Variants in CD58 observed in about 807,000 individuals in gnomAD.
The protein encoded by CD58 is CD58 molecule.
A neutral mutation model predicts 27.6 loss-of-function variants in CD58; 14 were observed. The ratio of observed to expected loss-of-function variants is 0.51; its 90% CI spans 0.34 to 0.79. CD58 has a LOEUF of 0.79. Ranked by LOEUF, CD58 falls within the 30% of genes least tolerant of loss-of-function variation. The pLI, the probability that CD58 is intolerant of heterozygous loss-of-function variation, is 0.02. For missense variants in CD58, 268 were observed against 301.7 expected (o/e 0.89, Z 0.83); for synonymous variants, 117 against 103.8 (o/e 1.13, Z -0.77).
Position 116,523,833 on chromosome 1 carries a change from G to A in CD58, c.629-1850C>T, listed in dbSNP as rs1199558217. On this transcript the variant is annotated intron_variant, in intron 3 of 5. Transcript: ENST00000369489. This position sits in a 1 kb window ranked among gnomAD's most constrained non-coding sequence, Gnocchi z 4.4. ...CTGAGGTTCAATTTATATAGGAAAA[G>A]CAGCATTTGATTCTTCTCTTTCTTT... 6.6e-6 allele frequency among the ~76,000 whole-genome samples: 1 copy of A among 152,184 alleles called. No homozygotes were observed. Among genetic ancestry groups the A allele is most frequent in the African/African-American group, 2.4e-5 (1 of 41,424 alleles).
chr1:116,553,170 TTC>T (rs1658449173), intron 1 of CD58, among the ~76,000 whole-genome samples: 1 of 152,086 alleles, frequency 6.6e-6, no homozygotes, highest in Non-Finnish European at 1.5e-5. Context: ...GTTTGTTTTT[TTC>T]TTCTCAAAGT....
At chr1:116,547,617 C>T (rs1031291781) in intron 1 of CD58, among the ~76,000 whole-genome samples, 1 of 152,130 alleles carries the variant, frequency 6.6e-6, no homozygotes, top group Non-Finnish European at 1.5e-5. Context: ...ACACGAGCCA[C>T]CGCGCCTGGC....
intron 1 of CD58, among the ~76,000 whole-genome samples, chr1:116,547,825 C>G (rs574381855): frequency 3.5e-4 from 53 of 152,100 alleles, no homozygotes; most frequent in African/African-American, 1.3e-3. Context: ...GGGTAGATAC[C>G]CAGTAATGGG....
intron 3 of CD58, chr1:116,533,714 C>T: frequency 2.9e-6 from 2 of 690,214 alleles, no homozygotes; most frequent in Non-Finnish European, 2.7e-6. Context: ...TCTTCATTTT[C>T]ACGGTGCCAT....
Position 116,531,859 on chromosome 1 carries a change from T to C in CD58, c.628+4106A>G, listed in dbSNP as rs1657623677. Among the ~76,000 whole-genome samples the C allele has an allele frequency of 6.6e-6, 1 of 152,262 alleles. No individual in the cohort carries two copies. Among genetic ancestry groups the C allele is most frequent in the Admixed American group, 6.5e-5 (1 of 15,290 alleles). ...TTCTAAGGTTAGGCTGAGCACTCTC[T>C]ACAGGCCTGGTCAGCGCGGACAAGG... On this transcript the variant is annotated intron_variant, in intron 3 of 5. Transcript: ENST00000369489. This position sits in a 1 kb window ranked among gnomAD's most constrained non-coding sequence, Gnocchi z 4.5.
chr1:116,552,825 A>C lies in CD58; in HGVS notation c.71-8221T>G, dbSNP rs1658434815. 6.6e-6 allele frequency among the ~76,000 whole-genome samples: 1 copy of C among 152,174 alleles called. No homozygotes were observed. The highest frequency in any genetic ancestry group is 1.5e-5 in the Non-Finnish European group (1 of 68,032). The stretch of plus-strand genomic sequence containing the variant: ...TATGTCCTGATGTATTTATGGTTTC[A>C]TATTTATGTGGGAGTAGAGTGGAGC... On this transcript the variant is annotated intron_variant, in intron 1 of 5. Transcript: ENST00000369489. The surrounding 1 kb of genome is among the most constrained non-coding windows in gnomAD (Gnocchi z 4.5).
In CD58 at chr1:116,570,881, C is replaced by G; in HGVS notation, c.70+22G>C. 1.3e-6 allele frequency: 2 copies of G among 1,539,562 alleles called. No individual in the cohort carries two copies. Among genetic ancestry groups the G allele is most frequent in the Non-Finnish European group, 1.7e-6 (2 of 1,146,632 alleles). On this transcript the variant is annotated intron_variant, in intron 1 of 5. Transcript: ENST00000369489. The surrounding 1 kb of genome is among the most constrained non-coding windows in gnomAD (Gnocchi z 6.4). ...CAGTACCCGCCGGCCGGCGCGGGGC[C>G]CCTGGGGCAGGCTTCACTCACCAAA...
chr1:116,569,990 C>T (rs982258011), intron 1 of CD58, among the ~76,000 whole-genome samples: 3 of 152,208 alleles, frequency 2.0e-5, no homozygotes, highest in African/African-American at 7.2e-5. Flanking sequence ...TCCATAGATG[C>T]ACACGCGCAC....
chr1:116,552,526 G>A lies in CD58; in HGVS notation c.71-7922C>T, dbSNP rs1658427308. 6.6e-6 allele frequency among the ~76,000 whole-genome samples: 1 copy of A among 152,158 alleles called. No homozygotes were observed. The highest frequency in any genetic ancestry group is 6.5e-5 in the Admixed American group (1 of 15,284). On this transcript the variant is annotated intron_variant, in intron 1 of 5. Transcript: ENST00000369489. The surrounding 1 kb of genome is among the most constrained non-coding windows in gnomAD (Gnocchi z 4.5). ...CACATTATCTGTGAAGTGCAATAAA[G>A]TGAAATGCAATAAAAGGAGGTGTGC...
chr1:116,564,122 G>A (rs1242378158), intron 1 of CD58, among the ~76,000 whole-genome samples: 2 of 152,114 alleles, frequency 1.3e-5, no homozygotes, highest in Non-Finnish European at 2.9e-5. Flanking sequence ...TCTTCCACCA[G>A]ATGCCCTAAA....
At position 116,570,572 on chromosome 1, in the gene CD58, A is replaced by C. The variant is rs572118486; in HGVS notation, c.70+331T>G. On this transcript the variant is annotated intron_variant, in intron 1 of 5. Transcript: ENST00000369489. The surrounding 1 kb of genome is among the most constrained non-coding windows in gnomAD (Gnocchi z 6.4). ...GTCCGCTGAAGCGCTCAGCGACGTT[A>C]CTGGGGAAGCCCAGGAAGGAACTTG... is the stretch of plus-strand genomic sequence containing the variant. 2.6e-5 allele frequency among the ~76,000 whole-genome samples: 4 copies of C among 151,950 alleles called. No individual in the cohort carries two copies. Among genetic ancestry groups the C allele is most frequent in the African/African-American group, 7.2e-5 (3 of 41,460 alleles).
At chr1:116,564,301 T>C (rs1403666362) in intron 1 of CD58, among the ~76,000 whole-genome samples, 2 of 151,992 alleles carry the variant, frequency 1.3e-5, no homozygotes, top group Admixed American at 1.3e-4. Context: ...AACAAGTCTC[T>C]AGGAAGTTCC....
In CD58 at chr1:116,541,640, T is replaced by G. The variant is rs1000284094; in HGVS notation, c.364+2671A>C. On this transcript the variant is annotated intron_variant, in intron 2 of 5. Coordinates refer to ENST00000369489, the MANE Select transcript of CD58 (RefSeq NM_001779.3). The surrounding 1 kb of genome is among the most constrained non-coding windows in gnomAD (Gnocchi z 5.3). ...TGCCATTAACCAAAAGGGAAAAGATTTGGGGAGGAGCAGCAGGTTTTAAGG... is the reference window on the plus strand; with the variant it reads ...TGCCATTAACCAAAAGGGAAAAGATGTGGGGAGGAGCAGCAGGTTTTAAGG... Among the ~76,000 whole-genome samples the G allele has an allele frequency of 6.6e-6, 1 of 152,112 alleles. No individual in the cohort carries two copies.
chr1:116,535,662 A>G (rs1272995067), intron 3 of CD58, among the ~76,000 whole-genome samples: 2 of 108,106 alleles, frequency 1.9e-5, no homozygotes, highest in Non-Finnish European at 3.5e-5. Context: ...TAACACGGTG[A>G]AACCCCGTCT....
chr1:116,558,166 A>AG (rs1262250959), intron 1 of CD58, among the ~76,000 whole-genome samples: 5 of 151,942 alleles, frequency 3.3e-5, no homozygotes, highest in South Asian at 2.1e-4. Context: ...AAAAAAAAAA[A>AG]AAAGAAAGAA....
chr1:116,529,064 T>TTG (rs1657513918), intron 3 of CD58, among the ~76,000 whole-genome samples: 1 of 152,318 alleles, frequency 6.6e-6, no homozygotes, highest in South Asian at 2.1e-4. Context: ...TCCTCAGCCC[T>TTG]TGTAAAGTAA....
intron 3 of CD58, among the ~76,000 whole-genome samples, chr1:116,526,255 TAA>T (rs2101161231): frequency 1.3e-5 from 2 of 152,352 alleles, no homozygotes; most frequent in African/African-American, 4.8e-5. Context: ...GTGTTGTATC[TAA>T]AAAGTCATCA....
intron 3 of CD58, among the ~76,000 whole-genome samples, chr1:116,525,234 TAC>T (rs933772502): frequency 5.3e-5 from 8 of 152,266 alleles, no homozygotes; most frequent in South Asian, 2.1e-4. Context: ...CTAATCTTTT[TAC>T]AGTCTCCACA....
At chr1:116,553,311 G>A (rs1336436882) in intron 1 of CD58, among the ~76,000 whole-genome samples, 2 of 151,780 alleles carry the variant, frequency 1.3e-5, no homozygotes, top group African/African-American at 4.8e-5. Flanking sequence ...CATAATGAAA[G>A]TGTTTATCTT....
Sources: gnomAD v4.1 joint callset for allele counts (sites outside exome capture counted in the v4.1 genomes callset) on GRCh38, gnomAD v4.1.1 for gene constraint, Gnocchi (gnomAD v3.1) non-coding constraint, MANE v1.5 for transcripts, NCBI Gene and HGNC (gene_info 2026-07-23, HGNC 2026-07-21) for gene names.